The following THNSL1 variants were observed in gnomAD, a reference collection of about 807,000 sequenced individuals.
THNSL1 encodes the protein threonine synthase-like 1.
A neutral mutation model predicts 50.4 loss-of-function variants in THNSL1; 48 were observed. The ratio of observed to expected loss-of-function variants is 0.95; its 90% CI spans 0.76 to 1.21. THNSL1 has a LOEUF of 1.21. Among genes scored for constraint, THNSL1 ranks in the 50% most tolerant of loss-of-function variants. The pLI is 0.00. For missense variants in THNSL1, 896 were observed against 871.7 expected (o/e 1.03, Z -0.35); for synonymous variants, 309 against 306.1 (o/e 1.01, Z -0.10).
the THNSL1 span, among the ~76,000 whole-genome samples, chr10:25,002,139 C>T: frequency 6.6e-6 from 1 of 152,194 alleles, no homozygotes; most frequent in African/African-American, 2.4e-5. Flanking sequence ...AGGCAATATA[C>T]TTCTGAGTGC....
chr10:24,989,508 C>T, the THNSL1 span, among the ~76,000 whole-genome samples: 1 of 152,222 alleles, frequency 6.6e-6, no homozygotes, highest in Non-Finnish European at 1.5e-5. Flanking sequence ...GAGCTGCACA[C>T]ATACACATAT....
the THNSL1 span, among the ~76,000 whole-genome samples, chr10:24,992,130 G>A: frequency 5.9e-5 from 9 of 152,318 alleles, no homozygotes; most frequent in African/African-American, 2.2e-4. Flanking sequence ...GAATTACTAT[G>A]TATTCCTTCT....
chr10:25,003,529 T>C, the THNSL1 span, among the ~76,000 whole-genome samples: 1 of 152,200 alleles, frequency 6.6e-6, no homozygotes, highest in Non-Finnish European at 1.5e-5. Context: ...TCTGTAAGAA[T>C]TGCAACTAGA....
rs372887847 is a variant in THNSL1, at chr10:25,021,187, A to G, written c.-215-555A>G. On this transcript the variant is annotated intron_variant, in intron 1 of 2. Coordinates refer to ENST00000376356, the MANE Select transcript of THNSL1 (RefSeq NM_024838.5). The stretch of plus-strand genomic sequence containing the variant: ...ATTCCTAGCCCACTGTCAGTGAGTG[A>G]CAATGATTAATCTTACTGTAAATAT... Among the ~76,000 whole-genome samples, 9 of 152,348 alleles carry G rather than the reference A, an allele frequency of 5.9e-5. No homozygotes were observed. In the East Asian group the frequency reaches 1.2e-3, roughly 20 times the overall value.
the THNSL1 span, among the ~76,000 whole-genome samples, chr10:24,967,399 A>C: frequency 1.3e-5 from 2 of 152,176 alleles, no homozygotes; most frequent in African/African-American, 2.4e-5. Flanking sequence ...TGGCTCTTAC[A>C]ACTGAGAATA....
At chr10:25,008,348 C>A in the THNSL1 span, among the ~76,000 whole-genome samples, 1 of 152,142 alleles carries the variant, frequency 6.6e-6, no homozygotes, top group Non-Finnish European at 1.5e-5. Flanking sequence ...AATTAGTTAG[C>A]AAAGTGGGTA....
upstream of THNSL1, among the ~76,000 whole-genome samples, chr10:25,015,018 T>C (rs959418618): frequency 1.7e-4 from 26 of 152,230 alleles, no homozygotes; most frequent in African/African-American, 6.0e-4. Flanking sequence ...GTCCAGTCCT[T>C]TTCAAATGTG....
chr10:24,996,984 C>A, the THNSL1 span, among the ~76,000 whole-genome samples: 1 of 152,238 alleles, frequency 6.6e-6, no homozygotes, highest in South Asian at 2.1e-4. Flanking sequence ...CACAGACATA[C>A]ATATAAGGAA....
chr10:24,995,481 T>A, the THNSL1 span, among the ~76,000 whole-genome samples: 1 of 152,232 alleles, frequency 6.6e-6, no homozygotes, highest in Admixed American at 6.5e-5. Flanking sequence ...TGTAACTTCA[T>A]CCCATTACAT....
chr10:24,955,622 C>G, the THNSL1 span, among the ~76,000 whole-genome samples: 1 of 152,026 alleles, frequency 6.6e-6, no homozygotes, highest in Admixed American at 6.6e-5. Context: ...TAAAATTATT[C>G]CATGTGAAAA....
At chr10:25,000,910 G>A in the THNSL1 span, among the ~76,000 whole-genome samples, 1 of 152,032 alleles carries the variant, frequency 6.6e-6, no homozygotes, top group Non-Finnish European at 1.5e-5. Context: ...CAGTATACAG[G>A]TTTAACTTAT....
chr10:25,017,496 T>C (rs1209141817), intron 1 of THNSL1, among the ~76,000 whole-genome samples: 1 of 151,930 alleles, frequency 6.6e-6, no homozygotes, highest in Non-Finnish European at 1.5e-5. Context: ...GCTGGCGGAG[T>C]GATTAAAACA....
chr10:25,007,222 T>TAA, the THNSL1 span, among the ~76,000 whole-genome samples: 4 of 152,198 alleles, frequency 2.6e-5, no homozygotes, highest in African/African-American at 7.2e-5. Context: ...CTTAAGATAT[T>TAA]AAACCTTGTT....
At chr10:25,015,740 A>G, upstream of THNSL1, 3 of 890,794 alleles carry the variant, frequency 3.4e-6, no homozygotes, top group Non-Finnish European at 4.7e-6. Context: ...CTCCAAGGCT[A>G]CTTCATCGAG....
At chr10:24,958,810 A>T in the THNSL1 span, among the ~76,000 whole-genome samples, 8,979 of 152,270 alleles carry the variant, frequency 0.059, 706 homozygotes, top group African/African-American at 0.18. Flanking sequence ...AGCGCTGGGC[A>T]GTTTCAGAGA....
intron 1 of THNSL1, among the ~76,000 whole-genome samples, chr10:25,021,257 A>C (rs1373073326): frequency 6.6e-6 from 1 of 152,182 alleles, no homozygotes; most frequent in Admixed American, 6.5e-5. Context: ...TATTATAGAC[A>C]CTTATATAGC....
chr10:25,016,233 C>T (rs1850569103), upstream of THNSL1: 2 of 1,064,410 alleles, frequency 1.9e-6, no homozygotes, highest in Admixed American at 5.1e-5. Flanking sequence ...TCCCCTCTTC[C>T]CTCTTTCTGC....
At chr10:25,020,114 ATTG>A (rs984949876) in intron 1 of THNSL1, among the ~76,000 whole-genome samples, 1 of 152,050 alleles carries the variant, frequency 6.6e-6, no homozygotes, top group Non-Finnish European at 1.5e-5. Context: ...ATATATCTTT[ATTG>A]TTCTTTAGAA....
the THNSL1 span, among the ~76,000 whole-genome samples, chr10:24,986,989 T>A: frequency 1.3e-5 from 2 of 152,320 alleles, no homozygotes; most frequent in Admixed American, 1.3e-4. Context: ...TTCAGTTTCA[T>A]GCTCCTTTTG....
Sources: gnomAD v4.1 joint callset for allele counts (sites outside exome capture counted in the v4.1 genomes callset) on GRCh38, gnomAD v4.1.1 for gene constraint, MANE v1.5 for transcripts, NCBI Gene and HGNC (gene_info 2026-07-23, HGNC 2026-07-21) for gene names.